SGCZ: variants seen among roughly 807,000 people sequenced by gnomAD.
The protein encoded by SGCZ is sarcoglycan zeta.
In SGCZ, 40 loss-of-function variants were observed where a neutral mutation model predicts 41.3. The ratio of observed to expected loss-of-function variants is 0.97; its 90% CI spans 0.75 to 1.26. SGCZ has a LOEUF of 1.26. SGCZ is among the 50% of genes most tolerant of loss of function. SGCZ has a pLI of 0.00. For missense variants in SGCZ, 552 were observed against 369.8 expected (o/e 1.49, Z -4.04); for synonymous variants, 206 against 137.5 (o/e 1.50, Z -3.49).
In SGCZ at chr8:14,854,049, A is replaced by ATATC. The variant is rs552642642; in HGVS notation, c.40-299124_40-299123insGATA. On this transcript the variant is annotated intron_variant, in intron 1 of 7. Transcript: ENST00000382080. ...TATATATATATATATATATATATAT[A>ATATC]TATATATCCTTTTGTATATATATTC... Among the ~76,000 whole-genome samples the ATATC allele has an allele frequency of 3.6e-4, 47 of 132,218 alleles. No homozygotes were observed. The South Asian group carries it at 9.3e-3, about 26-fold the overall frequency. The allele number at this position is 132,218 out of a possible 152,430, so 86.7% of individuals were successfully genotyped here.
At chr8:14,451,447 T>G (rs1034802879) in intron 2 of SGCZ, among the ~76,000 whole-genome samples, 12 of 152,282 alleles carry the variant, frequency 7.9e-5, no homozygotes, top group African/African-American at 2.9e-4. Context: ...AGTTTACATT[T>G]TTGCTTATGT....
At chr8:14,177,952 T>TTTTTTCTTTTCTTTC (rs1445723413) in intron 4 of SGCZ, among the ~76,000 whole-genome samples, 3 of 70,264 alleles carry the variant, frequency 4.3e-5, no homozygotes, top group African/African-American at 1.8e-4. Flanking sequence ...TCTTTTCTTT[T>TTTTTTCTTTTCTTTC]TTTTTCTTTT....
intron 2 of SGCZ, among the ~76,000 whole-genome samples, chr8:14,404,401 G>A (rs1319310149): frequency 1.4e-5 from 2 of 140,628 alleles, no homozygotes; most frequent in Non-Finnish European, 2.9e-5. Flanking sequence ...TATTCAGAGT[G>A]TTTGGGAATT....
intron 1 of SGCZ, among the ~76,000 whole-genome samples, chr8:15,194,123 G>A (rs549886656): frequency 6.6e-6 from 1 of 150,918 alleles, no homozygotes. Context: ...TTTACAAGTA[G>A]TTTTAGTACT....
chr8:14,791,925 A>T (rs1198177583), intron 1 of SGCZ, among the ~76,000 whole-genome samples: 1 of 152,248 alleles, frequency 6.6e-6, no homozygotes, highest in African/African-American at 2.4e-5. Flanking sequence ...TTCTCAATGC[A>T]AAGCACAGCT....
At chr8:14,515,465 C>T (rs1268558321) in intron 2 of SGCZ, among the ~76,000 whole-genome samples, 3 of 152,020 alleles carry the variant, frequency 2.0e-5, no homozygotes, top group African/African-American at 7.2e-5. Flanking sequence ...TAACATAACA[C>T]TATATCTTTA....
chr8:14,575,143 G>A (rs550478063), intron 1 of SGCZ, among the ~76,000 whole-genome samples: 163 of 152,266 alleles, frequency 1.1e-3, no homozygotes, highest in African/African-American at 3.9e-3. Flanking sequence ...AGTGAAGACT[G>A]GAGAATAAAT....
chr8:15,155,358 T>C (rs1563154980), intron 1 of SGCZ, among the ~76,000 whole-genome samples: 1 of 152,194 alleles, frequency 6.6e-6, no homozygotes, highest in Non-Finnish European at 1.5e-5. Flanking sequence ...CCTGATTTGA[T>C]CATTATACAT....
intron 2 of SGCZ, among the ~76,000 whole-genome samples, chr8:14,500,090 G>T (rs928497540): frequency 3.9e-5 from 6 of 152,054 alleles, no homozygotes; most frequent in African/African-American, 7.2e-5. Flanking sequence ...ACACGGAGAG[G>T]GGAATTCGCT....
chr8:14,201,549 G>T (rs953677457), intron 4 of SGCZ, among the ~76,000 whole-genome samples: 1 of 152,134 alleles, frequency 6.6e-6, no homozygotes, highest in Non-Finnish European at 1.5e-5. Context: ...TTGTGTGATT[G>T]TATTTATGTA....
chr8:14,540,457 T>C (rs1334184202), intron 2 of SGCZ, among the ~76,000 whole-genome samples: 1 of 151,658 alleles, frequency 6.6e-6, no homozygotes, highest in Admixed American at 6.6e-5. Context: ...AGACTGGATA[T>C]CTGTTACATT....
At chr8:14,862,597 A>C in intron 1 of SGCZ, among the ~76,000 whole-genome samples, 1 of 141,846 alleles carries the variant, frequency 7.0e-6, no homozygotes, top group Non-Finnish European at 1.5e-5. Context: ...CACAATTGCA[A>C]AACATACATT....
At position 15,042,962 on chromosome 8, in the gene SGCZ, G is replaced by C. The variant is rs148609425; in HGVS notation, c.39+194623C>G. On this transcript the variant is annotated intron_variant, in intron 1 of 7. Coordinates refer to ENST00000382080, the MANE Select transcript of SGCZ (RefSeq NM_139167.4). ...CTGCTCCCATAATGCAGTCATAAAC[G>C]GTTTCTCCAAAGGCATAGAACTTCA... 2.6e-4 allele frequency among the ~76,000 whole-genome samples: 39 copies of C among 152,150 alleles called. No individual in the cohort carries two copies. The East Asian group carries it at 7.4e-3, about 29-fold the overall frequency.
intron 1 of SGCZ, among the ~76,000 whole-genome samples, chr8:14,783,133 A>T (rs563239512): frequency 6.6e-6 from 1 of 152,288 alleles, no homozygotes; most frequent in African/African-American, 2.4e-5. Flanking sequence ...ATTCCAAGAG[A>T]TAGAAAGTAA....
chr8:14,736,398 A>G (rs1265983969), intron 1 of SGCZ, among the ~76,000 whole-genome samples: 2 of 152,220 alleles, frequency 1.3e-5, no homozygotes, highest in Non-Finnish European at 1.5e-5. Flanking sequence ...TCTACATTAA[A>G]TGAAAGAAAG....
intron 1 of SGCZ, among the ~76,000 whole-genome samples, chr8:15,174,604 A>G (rs1799943185): frequency 1.3e-5 from 2 of 152,168 alleles, no homozygotes; most frequent in Non-Finnish European, 2.9e-5. Flanking sequence ...ACTTTACAAG[A>G]TGGTATCAAA....
chr8:14,796,427 T>C (rs1801133113), intron 1 of SGCZ, among the ~76,000 whole-genome samples: 2 of 130,172 alleles, frequency 1.5e-5, no homozygotes, highest in South Asian at 2.2e-4. Context: ...TCTATTTTTG[T>C]TTTTTTTCTA....
intron 2 of SGCZ, among the ~76,000 whole-genome samples, chr8:14,336,855 T>A (rs966599019): frequency 2.0e-5 from 3 of 152,166 alleles, no homozygotes; most frequent in Non-Finnish European, 4.4e-5. Flanking sequence ...CTATCATCTC[T>A]ATTTAATGGA....
intron 1 of SGCZ, among the ~76,000 whole-genome samples, chr8:14,584,803 A>T (rs1805007172): frequency 6.6e-6 from 1 of 152,134 alleles, no homozygotes; most frequent in African/African-American, 2.4e-5. Flanking sequence ...TAGGCTAGGA[A>T]ATAGCACATA....
Sources: allele counts gnomAD v4.1 joint callset (sites outside exome capture counted in the v4.1 genomes callset), GRCh38; gene constraint gnomAD v4.1.1; transcripts MANE v1.5; gene names NCBI Gene and HGNC (gene_info 2026-07-23, HGNC 2026-07-21).